Variants in GRM7 observed in about 807,000 individuals in gnomAD.
GRM7 encodes the protein metabotropic glutamate receptor 7.
A neutral mutation model predicts 84.5 loss-of-function variants in GRM7; 35 were observed. The ratio of observed to expected loss-of-function variants is 0.41; its 90% CI spans 0.32 to 0.55. The LOEUF (loss-of-function observed/expected upper bound fraction) is 0.55. Among genes scored for constraint, GRM7 ranks in the 20% least tolerant of loss-of-function variants. GRM7 has a pLI of 0.19. For missense variants in GRM7, 1,003 were observed against 1,194.6 expected (o/e 0.84, Z 2.36); for synonymous variants, 487 against 455.1 (o/e 1.07, Z -0.89).
chr3:7,047,361 G>T (rs1696841738), intron 1 of GRM7, among the ~76,000 whole-genome samples: 1 of 152,032 alleles, frequency 6.6e-6, no homozygotes, highest in African/African-American at 2.4e-5. Context: ...CCCAAGTGCA[G>T]TGTGAATGGT....
Position 7,412,799 on chromosome 3 carries a change from A to C in GRM7, c.1034-2224A>C, listed in dbSNP as rs1025634786. ...AATAAAAATACCATCTGCCCCTTAT[A>C]AAAGAATGATCTTTTTCCTTTAACA... On this transcript the variant is annotated intron_variant, in intron 4 of 9. Transcript: ENST00000357716. Among the ~76,000 whole-genome samples the C allele has an allele frequency of 1.1e-4, 16 of 151,718 alleles. No individual in the cohort carries two copies. In the Admixed American group the frequency reaches 1.1e-3, roughly 10 times the overall value.
At chr3:7,403,110 AG>A (rs1695520713) in intron 4 of GRM7, 1 of 425,764 alleles carries the variant, frequency 2.3e-6, no homozygotes, top group African/African-American at 2.0e-5. Flanking sequence ...TAAAACGTGA[AG>A]CTTCTACAAT....
chr3:7,616,076 G>C (rs1418915754), intron 8 of GRM7, among the ~76,000 whole-genome samples: 1 of 151,994 alleles, frequency 6.6e-6, no homozygotes, highest in African/African-American at 2.4e-5. Context: ...AGGCTACTAG[G>C]AGAAGTGTCC....
intron 7 of GRM7, among the ~76,000 whole-genome samples, chr3:7,507,977 C>T (rs1700087039): frequency 6.6e-6 from 1 of 152,072 alleles, no homozygotes; most frequent in South Asian, 2.1e-4. Flanking sequence ...ATGCTTACTC[C>T]AAGAATAAAT....
chr3:7,740,481 T>A lies in GRM7; in HGVS notation c.*75T>A. On this transcript the variant is annotated 3_prime_UTR_variant, in exon 10 of 10. Transcript: ENST00000357716. ...GTCACCCAACCTGGCATAGGACTCT[T>A]TGGTCCTACCCGCTTCCCATCACCG... 9 of 832,712 alleles carry A rather than the reference T, an allele frequency of 1.1e-5. No individual in the cohort carries two copies. Among genetic ancestry groups the A allele is most frequent in the Non-Finnish European group, 1.7e-5 (9 of 527,004 alleles). The allele number at this position is 832,712 out of a possible 1,614,324, so 51.6% of individuals were successfully genotyped here.
rs796790870 is a variant in GRM7, at chr3:7,207,264, C to T, written c.736+60596C>T. 1.1e-4 allele frequency among the ~76,000 whole-genome samples: 17 copies of T among 152,242 alleles called. No homozygotes were observed. In the South Asian group the frequency reaches 2.7e-3, roughly 24 times the overall value. ...TGCCCGAGGAGTTTGGAAATATACTCGTGCCTGCATCTCATTCCTGGAGAT... is the reference window on the plus strand; with the variant it reads ...TGCCCGAGGAGTTTGGAAATATACTTGTGCCTGCATCTCATTCCTGGAGAT... On this transcript the variant is annotated intron_variant, in intron 2 of 9. Coordinates refer to ENST00000357716, the MANE Select transcript of GRM7 (RefSeq NM_000844.4).
rs1694748593 is a variant in GRM7, at chr3:7,572,826, ATATATATATATATATAT to A, written c.1516-5595_1516-5579del. 1.5e-3 allele frequency among the ~76,000 whole-genome samples: 92 copies of A among 62,522 alleles called. 5 individuals carry two copies. Among genetic ancestry groups the A allele is most frequent in the African/African-American group, 4.4e-3 (62 of 13,946 alleles). 41.0% of individuals were successfully genotyped at this position (62,522 alleles called of 152,430 possible). A position where few individuals can be genotyped will look rare whatever the true frequency, so the allele number is the denominator to read the frequency against. On this transcript the variant is annotated intron_variant, in intron 7 of 9. Coordinates refer to ENST00000357716, the MANE Select transcript of GRM7 (RefSeq NM_000844.4). ...GACAGAGTGAGACTCTATCTCAAAT[ATATATATATATATATAT>A]ATATATATATATATATATATATATA...
chr3:7,706,720 C>T (rs771351661), intron 9 of GRM7, among the ~76,000 whole-genome samples: 2 of 152,158 alleles, frequency 1.3e-5, no homozygotes, highest in Non-Finnish European at 2.9e-5. Context: ...CCTCAGTGTT[C>T]TGAATGTTTA....
At chr3:7,555,774 TCTG>T (rs1693725712) in intron 7 of GRM7, among the ~76,000 whole-genome samples, 2 of 152,186 alleles carry the variant, frequency 1.3e-5, no homozygotes, top group Admixed American at 6.5e-5. Context: ...AAGTCATTAC[TCTG>T]CTAACTTTTT....
chr3:7,095,348 C>G (rs988250349), intron 1 of GRM7, among the ~76,000 whole-genome samples: 5 of 152,054 alleles, frequency 3.3e-5, no homozygotes, highest in African/African-American at 4.8e-5. Flanking sequence ...TTCCTACTTT[C>G]TTTTTCAAGC....
rs1031693618 is a variant in GRM7, at chr3:6,862,760, G to A, written c.519+853G>A. The A allele has an allele frequency of 3.0e-5, 9 of 304,268 alleles. No homozygotes were observed. Among genetic ancestry groups the A allele is most frequent in the Non-Finnish European group, 5.9e-5 (9 of 153,670 alleles). 18.8% of individuals were successfully genotyped at this position (304,268 alleles called of 1,614,324 possible). On this transcript the variant is annotated intron_variant, in intron 1 of 9. Coordinates refer to ENST00000357716, the MANE Select transcript of GRM7 (RefSeq NM_000844.4). This position sits in a 1 kb window ranked among gnomAD's most constrained non-coding sequence, Gnocchi z 5.2. ...CCTCACCCACTATCTCCCTGACGCA[G>A]ACCCCAAGCCAAATCCTCGGCTTGG...
At chr3:7,139,795 C>G in intron 1 of GRM7, among the ~76,000 whole-genome samples, 1 of 151,702 alleles carries the variant, frequency 6.6e-6, no homozygotes, top group East Asian at 1.9e-4. Flanking sequence ...AAAGCTCAGG[C>G]TACAAAAGCA....
intron 8 of GRM7, among the ~76,000 whole-genome samples, chr3:7,628,348 G>A (rs960879812): frequency 2.0e-5 from 3 of 152,042 alleles, no homozygotes; most frequent in African/African-American, 7.2e-5. Flanking sequence ...CCCAGGTCAC[G>A]ACTTCAGAAA....
At chr3:7,153,469 T>A (rs1574967507) in intron 2 of GRM7, among the ~76,000 whole-genome samples, 1 of 152,274 alleles carries the variant, frequency 6.6e-6, no homozygotes, top group Non-Finnish European at 1.5e-5. Flanking sequence ...TACATTTGAC[T>A]TTCAACACTC....
At chr3:7,340,755 C>T (rs1701606860) in intron 4 of GRM7, among the ~76,000 whole-genome samples, 1 of 152,102 alleles carries the variant, frequency 6.6e-6, no homozygotes. Flanking sequence ...AAATAAATAT[C>T]CATGAGAAGC....
intron 2 of GRM7, among the ~76,000 whole-genome samples, chr3:7,274,184 T>A (rs559122860): frequency 1.3e-5 from 2 of 152,176 alleles, no homozygotes; most frequent in Non-Finnish European, 2.9e-5. Flanking sequence ...AATTCCTTCT[T>A]CTAGTCCCTT....
intron 1 of GRM7, among the ~76,000 whole-genome samples, chr3:7,052,622 C>G (rs543281367): frequency 1.3e-5 from 2 of 150,644 alleles, no homozygotes; most frequent in African/African-American, 4.9e-5. Context: ...TTTGCCTTCT[C>G]AATAAATGGA....
At chr3:7,189,959 G>GAC (rs1011459784) in intron 2 of GRM7, among the ~76,000 whole-genome samples, 2 of 151,856 alleles carry the variant, frequency 1.3e-5, no homozygotes, top group South Asian at 4.2e-4. Context: ...AAGCAATGTA[G>GAC]ACACACACAC....
chr3:7,699,090 T>A (rs997901436), intron 9 of GRM7, among the ~76,000 whole-genome samples: 2 of 152,202 alleles, frequency 1.3e-5, no homozygotes, highest in Non-Finnish European at 2.9e-5. Context: ...AAGCTACAGA[T>A]GGCAAAGGGT....
Sources: allele counts gnomAD v4.1 joint callset (sites outside exome capture counted in the v4.1 genomes callset), GRCh38; gene constraint gnomAD v4.1.1; non-coding constraint Gnocchi (gnomAD v3.1); transcripts MANE v1.5; gene names NCBI Gene and HGNC (gene_info 2026-07-23, HGNC 2026-07-21).